The following DNMT3B variants were observed in gnomAD, a reference collection of about 807,000 sequenced individuals.
DNMT3B encodes the protein DNA methyltransferase 3 beta, also known as DNA (cytosine-5)-methyltransferase 3B.
DNMT3B carries 37 observed loss-of-function variants against 120.2 expected under a neutral mutation model. That is an observed-to-expected ratio of 0.31 (90% confidence interval 0.24 to 0.40). DNMT3B has a LOEUF of 0.40. DNMT3B is among the 10% of genes least tolerant of loss of function. The pLI, the probability that DNMT3B is intolerant of heterozygous loss-of-function variation, is 1.00. For missense variants in DNMT3B, 878 were observed against 1,137.3 expected (o/e 0.77, Z 3.28); for synonymous variants, 412 against 442.8 (o/e 0.93, Z 0.87).
At chr20:32,790,307 A>C (rs1490083312) in intron 7 of DNMT3B, among the ~76,000 whole-genome samples, 1 of 152,178 alleles carries the variant, frequency 6.6e-6, no homozygotes, top group African/African-American at 2.4e-5. Context: ...GTGAAGGAAG[A>C]TGGATTGTTT....
At chr20:32,765,422 C>CTTTTTTTTTTTTT (rs201623266) in intron 1 of DNMT3B, among the ~76,000 whole-genome samples, 3 of 121,316 alleles carry the variant, frequency 2.5e-5, no homozygotes, top group African/African-American at 1.1e-4. Flanking sequence ...CTCTTTTTTT[C>CTTTTTTTTTTTTT]TTTCTTTTTT....
intron 1 of DNMT3B, among the ~76,000 whole-genome samples, chr20:32,764,105 GCTAGCACACGGGCTAAGCAAGCTTCCTTC>G (rs1292574378): frequency 6.6e-6 from 1 of 152,072 alleles, no homozygotes; most frequent in Non-Finnish European, 1.5e-5. Context: ...GGAATCACTA[GCTAGCACACGGGCTAAGCAAGCTTCCTTC>G]CTTAAGGAAG....
In DNMT3B at chr20:32,800,372, A is replaced by C. The variant is rs1981182511; in HGVS notation, c.1905+74A>C. 5 of 1,599,008 alleles carry C rather than the reference A, an allele frequency of 3.1e-6. No homozygotes were observed. The South Asian group carries it at 5.5e-5, about 18-fold the overall frequency. ...CCCAGTCCTCCACACCCTGAAACCCACATGTAGGCCCCATCCCTGAGACCC... is the reference window on the plus strand; with the variant it reads ...CCCAGTCCTCCACACCCTGAAACCCCCATGTAGGCCCCATCCCTGAGACCC... On this transcript the variant is annotated intron_variant, in intron 17 of 22. Transcript: ENST00000328111.
intron 1 of DNMT3B, 84 bp from the exon 2 acceptor site, chr20:32,780,234 A>G: frequency 6.2e-7 from 1 of 1,613,378 alleles, no homozygotes; most frequent in Non-Finnish European, 8.5e-7. Context: ...TTGGCCTGAG[A>G]ACACAGAGCC....
chr20:32,770,487 A>G (rs776920633), intron 1 of DNMT3B, among the ~76,000 whole-genome samples: 3 of 151,200 alleles, frequency 2.0e-5, no homozygotes, highest in Non-Finnish European at 2.9e-5. Context: ...TTGTTGTTTT[A>G]GTAGAGATGG....
At position 32,798,603 on chromosome 20, in the gene DNMT3B, G is replaced by A. The variant is rs572676072; in HGVS notation, c.1634G>A (p.Arg545His). Reference sequence around the variant, plus strand: ...CGGCGCCGGAAGGACTGGAACGTGCGCCTGCAGGCCTTCTTCACCAGTGAC... The same window carrying A: ...CGGCGCCGGAAGGACTGGAACGTGCACCTGCAGGCCTTCTTCACCAGTGAC... ...VLRRRKDWNV[R>H]LQAFFTSDTG... is the part of the protein sequence containing the mutation. Residue 545 changes from arginine (R) to histidine (H), a missense_variant, in exon 15 of 23, where the codon CGC (arginine) becomes CAC (histidine). Physicochemically the swap from Arg to His is conservative, Grantham distance 29. Transcript: ENST00000328111. The A allele has an allele frequency of 2.2e-5, 35 of 1,614,180 alleles. No homozygotes were observed. Among genetic ancestry groups the A allele is most frequent in the Middle Eastern group, 1.7e-4 (1 of 6,050 alleles).
chr20:32,775,937 G>C (rs747517746), intron 1 of DNMT3B, among the ~76,000 whole-genome samples: 19 of 152,210 alleles, frequency 1.2e-4, no homozygotes, highest in Non-Finnish European at 2.2e-4. Context: ...ATGGGGTGGG[G>C]GTTAAAGGAG....
intron 17 of DNMT3B, 109 bp downstream of exon 17, chr20:32,800,407 G>A (rs1468697910): frequency 4.7e-6 from 7 of 1,490,620 alleles, no homozygotes; most frequent in Non-Finnish European, 6.5e-6. Flanking sequence ...CCAGAAAAAA[G>A]GATTGAAATC....
chr20:32,762,635 TC>T lies in DNMT3B; in HGVS notation c.-68del. On this transcript the variant is annotated 5_prime_UTR_variant, in exon 1 of 23. Transcript: ENST00000328111. ...CGCCCTGCACGGCCGCCAGCCGGCC[TC>T]CCGCCAGCCAGCCCCGACCCGCGGC... 3.6e-6 allele frequency: 1 copy of T among 276,424 alleles called. No homozygotes were observed. The highest frequency in any genetic ancestry group is 7.5e-6 in the Non-Finnish European group (1 of 132,738). The allele number at this position is 276,424 out of a possible 1,614,324, so 17.1% of individuals were successfully genotyped here.
intron 1 of DNMT3B, among the ~76,000 whole-genome samples, chr20:32,764,717 G>T (rs1987197234): frequency 6.6e-6 from 1 of 152,202 alleles, no homozygotes; most frequent in African/African-American, 2.4e-5. Context: ...TTCCCATTGG[G>T]GTGGAGAGTG....
intron 22 of DNMT3B, among the ~76,000 whole-genome samples, chr20:32,807,091 T>C (rs1244847384): frequency 6.6e-6 from 1 of 152,226 alleles, no homozygotes; most frequent in East Asian, 1.9e-4. Context: ...GCTGACATTG[T>C]GTAGACGCTA....
At chr20:32,802,607 G>C in intron 20 of DNMT3B, 137 bp downstream of exon 20, 2 of 880,828 alleles carry the variant, frequency 2.3e-6, no homozygotes, top group Non-Finnish European at 3.8e-6. Context: ...ACCTGTGGTC[G>C]TGCGGGTTGA....
intron 10 of DNMT3B, among the ~76,000 whole-genome samples, chr20:32,794,738 A>T (rs1022536387): frequency 6.6e-6 from 1 of 152,220 alleles, no homozygotes; most frequent in African/African-American, 2.4e-5. Flanking sequence ...CTATTATAAA[A>T]ACTGAGATAG....
chr20:32,791,413 C>G (rs994038462), intron 7 of DNMT3B, among the ~76,000 whole-genome samples, 188 bp from the exon 8 acceptor site: 7 of 146,964 alleles, frequency 4.8e-5, no homozygotes, highest in Non-Finnish European at 3.0e-5. Flanking sequence ...TGTTGAGACT[C>G]TGCCATTTCT....
intron 11 of DNMT3B, 31 bp from the exon 12 acceptor site, chr20:32,795,619 C>T (rs770678398): frequency 1.2e-6 from 2 of 1,614,190 alleles, no homozygotes; most frequent in Non-Finnish European, 1.7e-6. Flanking sequence ...GCTCCCTGAC[C>T]TCATCTCATG....
chr20:32,766,445 A>G (rs944425077), intron 1 of DNMT3B, among the ~76,000 whole-genome samples: 20 of 152,060 alleles, frequency 1.3e-4, no homozygotes, highest in African/African-American at 4.6e-4. Context: ...CCTGGGTCCA[A>G]CGATCCTTCT....
At chr20:32,796,697 G>A (rs1169021203) in intron 12 of DNMT3B, 93 bp from the exon 13 acceptor site, 16 of 1,396,378 alleles carry the variant, frequency 1.1e-5, no homozygotes, top group Non-Finnish European at 1.6e-5. Flanking sequence ...CTGCTGGCCT[G>A]GAGGGAAATC....
chr20:32,774,853 G>A (rs928793422), intron 1 of DNMT3B, among the ~76,000 whole-genome samples: 3 of 151,900 alleles, frequency 2.0e-5, no homozygotes, highest in Non-Finnish European at 4.4e-5. Context: ...TGAGTAGCTG[G>A]GATTACATGC....
At chr20:32,802,524 C>A in intron 20 of DNMT3B, 54 bp downstream of exon 20, 1 of 1,538,152 alleles carries the variant, frequency 6.5e-7, no homozygotes, top group Non-Finnish European at 9.0e-7. Context: ...TATGTGATAA[C>A]AAGCTCTGAC....
Sources: allele counts gnomAD v4.1 joint callset (sites outside exome capture counted in the v4.1 genomes callset), GRCh38; gene constraint gnomAD v4.1.1; transcripts MANE v1.5; gene names NCBI Gene and HGNC (gene_info 2026-07-23, HGNC 2026-07-21).